Variants in SEMA6A observed in about 807,000 individuals in gnomAD.
The protein encoded by SEMA6A is semaphorin-6A.
SEMA6A carries 25 observed loss-of-function variants against 96.8 expected under a neutral mutation model. That is an observed-to-expected ratio of 0.26 (90% CI 0.19 to 0.36). The LOEUF is 0.36. Ranked by LOEUF, SEMA6A falls within the 10% of genes least tolerant of loss-of-function variation. The pLI, the probability that SEMA6A is intolerant of heterozygous loss-of-function variation, is 1.00. For synonymous variants in SEMA6A, 612 were observed against 518.0 expected, an observed-to-expected ratio of 1.18 and a Z score of -2.46; for missense variants, 1,363 against 1,323.1, an observed-to-expected ratio of 1.03 and a Z score of -0.47.
chr5:116,515,474 A>G (rs918648727), intron 1 of SEMA6A, among the ~76,000 whole-genome samples: 3 of 152,188 alleles, frequency 2.0e-5, no homozygotes, highest in African/African-American at 7.2e-5. Flanking sequence ...TTAAAAATGA[A>G]GCAAACTGCA....
chr5:116,524,331 T>C (rs1462032348), intron 1 of SEMA6A, among the ~76,000 whole-genome samples: 2 of 152,218 alleles, frequency 1.3e-5, no homozygotes, highest in African/African-American at 4.8e-5. Context: ...GATTGCTGCA[T>C]TGTTAGTAAC....
At chr5:116,450,784 CTT>C (rs1754577910) in intron 18 of SEMA6A, among the ~76,000 whole-genome samples, 1 of 152,130 alleles carries the variant, frequency 6.6e-6, no homozygotes, top group African/African-American at 2.4e-5. Flanking sequence ...AGGCAGAGGG[CTT>C]TCCTCATCTG....
At chr5:116,454,389 A>G (rs147037869) in intron 18 of SEMA6A, among the ~76,000 whole-genome samples, 51 of 152,296 alleles carry the variant, frequency 3.3e-4, no homozygotes, top group African/African-American at 1.2e-3. Flanking sequence ...ACTTGAGTGA[A>G]TGGAATCTAA....
chr5:116,483,385 A>G (rs1756887247), intron 10 of SEMA6A, among the ~76,000 whole-genome samples: 2 of 152,302 alleles, frequency 1.3e-5, no homozygotes, highest in South Asian at 4.1e-4. Context: ...CAAATAAATT[A>G]CAGGCACCAG....
intron 15 of SEMA6A, among the ~76,000 whole-genome samples, chr5:116,477,469 C>T (rs535086442): frequency 2.4e-4 from 36 of 152,318 alleles, no homozygotes; most frequent in Middle Eastern, 6.8e-3. Flanking sequence ...TTACAAAAGC[C>T]GGTTTTGCTA....
intron 1 of SEMA6A, among the ~76,000 whole-genome samples, chr5:116,522,779 C>G (rs945543136): frequency 2.0e-5 from 3 of 152,098 alleles, no homozygotes; most frequent in African/African-American, 7.2e-5. Flanking sequence ...GGCACCTGCC[C>G]CCTTGTTCTC....
chr5:116,458,856 C>T (rs1755185081), intron 18 of SEMA6A, among the ~76,000 whole-genome samples: 2 of 152,040 alleles, frequency 1.3e-5, no homozygotes, highest in African/African-American at 2.4e-5. Flanking sequence ...ACTGAAAGAA[C>T]AATTACAGCC....
chr5:116,462,445 A>C (rs1360051051), intron 18 of SEMA6A, among the ~76,000 whole-genome samples: 1 of 152,202 alleles, frequency 6.6e-6, no homozygotes, highest in Admixed American at 6.5e-5. Context: ...CTACAATTTG[A>C]GTAATAACTA....
chr5:116,503,593 T>C (rs1389264744), intron 2 of SEMA6A, among the ~76,000 whole-genome samples: 1 of 148,972 alleles, frequency 6.7e-6, no homozygotes, highest in Non-Finnish European at 1.5e-5. Flanking sequence ...CTTACTACAC[T>C]CTCCGCCTCC....
At chr5:116,487,121 A>G in intron 9 of SEMA6A, 155 bp from the exon 10 acceptor site, 1 of 609,988 alleles carries the variant, frequency 1.6e-6, no homozygotes. Context: ...AGAAAAGAAA[A>G]AAAGAGGAAA....
intron 1 of SEMA6A, among the ~76,000 whole-genome samples, chr5:116,541,021 G>A (rs1759939001): frequency 6.6e-6 from 1 of 152,144 alleles, no homozygotes; most frequent in African/African-American, 2.4e-5. Flanking sequence ...GACTTACGGG[G>A]GATATTGTTC....
chr5:116,456,862 A>C (rs977082762), intron 18 of SEMA6A, among the ~76,000 whole-genome samples: 5 of 152,146 alleles, frequency 3.3e-5, no homozygotes, highest in Admixed American at 3.3e-4. Context: ...TACAGCTATT[A>C]AGCAACGTTT....
chr5:116,478,498 G>C, intron 13 of SEMA6A, 44 bp downstream of exon 13: 1 of 1,529,546 alleles, frequency 6.5e-7, no homozygotes, highest in East Asian at 2.3e-5. Flanking sequence ...GGCCATAATA[G>C]CATAACAAAT....
rs566260441 is a variant in SEMA6A at position 116,535,968 on chromosome 5, G to GTCAA, written c.-38-30990_-38-30987dup. On this transcript the variant is annotated intron_variant, in intron 1 of 18. Coordinates refer to ENST00000343348, the MANE Select transcript of SEMA6A (RefSeq NM_020796.5). The stretch of plus-strand genomic sequence containing the variant: ...TAAATACCAACCCCCAAATAACTCA[G>GTCAA]TCAACTCAATTCTACTGACTCAAAA... Among the ~76,000 whole-genome samples the GTCAA allele has an allele frequency of 4.8e-3, 732 of 152,306 alleles. 2 individuals are homozygous for GTCAA. The highest frequency in any genetic ancestry group is 8.2e-3 in the Non-Finnish European group (559 of 68,032).
intron 3 of SEMA6A, among the ~76,000 whole-genome samples, chr5:116,498,189 C>G (rs1757695698): frequency 6.6e-6 from 1 of 152,132 alleles, no homozygotes; most frequent in African/African-American, 2.4e-5. Context: ...CTACACTCAA[C>G]AGAGGAGATG....
intron 8 of SEMA6A, among the ~76,000 whole-genome samples, 185 bp downstream of exon 8, chr5:116,488,703 C>G (rs1757182114): frequency 6.6e-6 from 1 of 152,050 alleles, no homozygotes; most frequent in African/African-American, 2.4e-5. Flanking sequence ...ACTCCAGAAA[C>G]TCAGGGGAAG....
chr5:116,545,134 G>A (rs1263394282), intron 1 of SEMA6A, among the ~76,000 whole-genome samples: 1 of 152,054 alleles, frequency 6.6e-6, no homozygotes, highest in African/African-American at 2.4e-5. Context: ...TGTCCTTCCT[G>A]CCAAACTACT....
At chr5:116,486,585 CTACTTT>C (rs1757058967) in intron 10 of SEMA6A, 158 bp downstream of exon 10, 2 of 609,214 alleles carry the variant, frequency 3.3e-6, no homozygotes, top group Non-Finnish European at 5.9e-6. Flanking sequence ...TGCTTATAAA[CTACTTT>C]TAATTTGTTG....
chr5:116,495,636 T>A, intron 5 of SEMA6A, 122 bp from the exon 6 acceptor site: 1 of 644,254 alleles, frequency 1.6e-6, no homozygotes, highest in Non-Finnish European at 2.7e-6. Flanking sequence ...CTTCTCCCAT[T>A]AAAAGTTCAA....
Sources: allele counts gnomAD v4.1 joint callset (sites outside exome capture counted in the v4.1 genomes callset), GRCh38; gene constraint gnomAD v4.1.1; transcripts MANE v1.5; gene names NCBI Gene and HGNC (gene_info 2026-07-23, HGNC 2026-07-21).